Variants in EYS observed in about 807,000 individuals in gnomAD.
EYS encodes EGF-like photoreceptor maintenance factor.
EYS carries 250 observed loss-of-function variants against 282.1 expected under a neutral mutation model. That is an observed-to-expected ratio of 0.89 (90% CI 0.80 to 0.98). EYS has a LOEUF of 0.98. Among genes scored for constraint, EYS ranks in the 50% least tolerant of loss-of-function variants. EYS has a pLI of 0.00. For synonymous variants in EYS, 1,355 were observed against 1,282.9 expected (o/e 1.06, Z -1.20); for missense variants, 4,016 against 3,709.0 (o/e 1.08, Z -2.15).
At chr6:63,907,605 A>G (rs367987324) in intron 35 of EYS, among the ~76,000 whole-genome samples, 1 of 152,160 alleles carries the variant, frequency 6.6e-6, no homozygotes, top group Non-Finnish European at 1.5e-5. Flanking sequence ...CATAACTTGA[A>G]TATATAAGTA....
At position 64,559,786 on chromosome 6, in the gene EYS, T is replaced by C. The variant is rs556265882; in HGVS notation, c.5644+30437A>G. On this transcript the variant is annotated intron_variant, in intron 26 of 42. Transcript: ENST00000503581. ...AAAAATTTTCATTCCATTCCAGGGG[T>C]ACATGTGCAGGTTTGTTATATAGGT... Among the ~76,000 whole-genome samples, 4 of 152,200 alleles carry C rather than the reference T, an allele frequency of 2.6e-5. No homozygotes were observed. The East Asian group carries it at 7.7e-4, about 29-fold the overall frequency.
At chr6:64,485,000 T>G (rs1169232995) in intron 26 of EYS, among the ~76,000 whole-genome samples, 1 of 151,562 alleles carries the variant, frequency 6.6e-6, no homozygotes, top group Admixed American at 6.6e-5. Context: ...GAATAAATAC[T>G]TGATTGAACA....
At chr6:64,892,007 A>G (rs1470231138) in intron 18 of EYS, among the ~76,000 whole-genome samples, 6 of 152,012 alleles carry the variant, frequency 3.9e-5, no homozygotes, top group African/African-American at 1.2e-4. Flanking sequence ...TAGGTGTTCA[A>G]GATACTTTTT....
chr6:64,963,024 T>C (rs887147251), intron 14 of EYS, among the ~76,000 whole-genome samples: 2 of 152,164 alleles, frequency 1.3e-5, no homozygotes, highest in African/African-American at 4.8e-5. Flanking sequence ...GTTTTGAACT[T>C]TTATGGTAAA....
intron 19 of EYS, among the ~76,000 whole-genome samples, chr6:64,868,243 C>G (rs1054474566): frequency 5.3e-4 from 80 of 151,204 alleles, no homozygotes; most frequent in Admixed American, 4.1e-3. Context: ...GTTTATAATC[C>G]TGGAAATTCA....
At chr6:65,334,650 T>C (rs548001812) in intron 11 of EYS, among the ~76,000 whole-genome samples, 73 of 151,966 alleles carry the variant, frequency 4.8e-4, no homozygotes, top group African/African-American at 1.6e-3. Flanking sequence ...TTGTTTTTTG[T>C]AGTTGCTTTG....
At chr6:64,810,776 T>G (rs1294017633) in intron 22 of EYS, among the ~76,000 whole-genome samples, 2 of 151,998 alleles carry the variant, frequency 1.3e-5, no homozygotes, top group Non-Finnish European at 2.9e-5. Context: ...GTTGAGTAAT[T>G]TTCCCAATTA....
chr6:64,033,601 C>A (rs1456304883), intron 33 of EYS, among the ~76,000 whole-genome samples: 1 of 151,886 alleles, frequency 6.6e-6, no homozygotes, highest in African/African-American at 2.4e-5. Context: ...GGACATAACA[C>A]CTTCATTAAT....
chr6:65,263,966 G>GA (rs1314624019), intron 12 of EYS, among the ~76,000 whole-genome samples: 1 of 151,726 alleles, frequency 6.6e-6, no homozygotes, highest in African/African-American at 2.4e-5. Context: ...AAGAGAATAG[G>GA]AAAAAAGCCA....
At chr6:65,619,357 C>G (rs977803269) in intron 2 of EYS, among the ~76,000 whole-genome samples, 1 of 151,938 alleles carries the variant, frequency 6.6e-6, no homozygotes, top group African/African-American at 2.4e-5. Context: ...CTCTGTTTGT[C>G]TGTTATTGGT....
intron 41 of EYS, among the ~76,000 whole-genome samples, chr6:63,756,891 C>T (rs1300265241): frequency 6.6e-6 from 1 of 152,136 alleles, no homozygotes; most frequent in Non-Finnish European, 1.5e-5. Flanking sequence ...TGTCTTTAAT[C>T]TCTTAATCCT....
intron 12 of EYS, among the ~76,000 whole-genome samples, chr6:65,180,056 C>T (rs1266398264): frequency 6.6e-6 from 1 of 150,896 alleles, no homozygotes; most frequent in African/African-American, 2.4e-5. Flanking sequence ...GGACGTATCT[C>T]AAAATAATAA....
At chr6:63,952,091 C>T (rs944282560) in intron 35 of EYS, among the ~76,000 whole-genome samples, 21 of 152,188 alleles carry the variant, frequency 1.4e-4, no homozygotes, top group African/African-American at 2.7e-4. Flanking sequence ...AAAACCCAGC[C>T]GCACCTCCAG....
chr6:65,124,280 C>T (rs1581931491), intron 12 of EYS, among the ~76,000 whole-genome samples: 1 of 152,046 alleles, frequency 6.6e-6, no homozygotes, highest in East Asian at 1.9e-4. Flanking sequence ...TATCATTGAG[C>T]TTGATGTTCG....
At position 65,353,615 on chromosome 6, in the gene EYS, A is replaced by G; in HGVS notation, c.1302T>C (p.Tyr434=). 3.7e-6 allele frequency: 6 copies of G among 1,611,900 alleles called. No individual in the cohort carries two copies. Among genetic ancestry groups the G allele is most frequent in the Non-Finnish European group, 5.1e-6 (6 of 1,178,344 alleles). ...TTTTTGTGCACCCTGGAATGCATAC[A>G]TACTGCAAAAAGGAAACAAGGAAAA... The part of the protein sequence containing the change: ...WCFNIIGRFK[Y]VCIPGCTKNP... The change falls in exon 9 of 43, where the codon TAT becomes TAC. Residue 434 remains tyrosine, a splice_region_variant and synonymous_variant. Coordinates refer to ENST00000503581, the MANE Select transcript of EYS (RefSeq NM_001142800.2).
chr6:64,676,003 T>C (rs1434501739), intron 22 of EYS, among the ~76,000 whole-genome samples: 1 of 149,954 alleles, frequency 6.7e-6, no homozygotes, highest in East Asian at 2.0e-4. Flanking sequence ...ACAGATTCTA[T>C]ATATCTAGAT....
intron 2 of EYS, among the ~76,000 whole-genome samples, chr6:65,585,224 T>G (rs1765004190): frequency 6.6e-6 from 1 of 151,950 alleles, no homozygotes; most frequent in African/African-American, 2.4e-5. Flanking sequence ...AACAGTCACA[T>G]AAACCATTTC....
chr6:64,246,277 T>C (rs1220136071), intron 30 of EYS, among the ~76,000 whole-genome samples: 1 of 151,764 alleles, frequency 6.6e-6, no homozygotes, highest in Non-Finnish European at 1.5e-5. Flanking sequence ...TTTAGAGCTT[T>C]TTTCTCTTTG....
At chr6:64,626,323 C>T (rs1159608547) in intron 22 of EYS, 78 bp from the exon 23 acceptor site, 4 of 1,467,868 alleles carry the variant, frequency 2.7e-6, no homozygotes, top group South Asian at 1.5e-5. Flanking sequence ...GGGATTCCAT[C>T]ATTCAAACGT....
Sources: allele counts gnomAD v4.1 joint callset (sites outside exome capture counted in the v4.1 genomes callset), GRCh38; gene constraint gnomAD v4.1.1; transcripts MANE v1.5; gene names NCBI Gene and HGNC (gene_info 2026-07-23, HGNC 2026-07-21).